Variants in EXOSC10 observed in about 807,000 individuals in gnomAD.
EXOSC10 encodes exosome component 10.
EXOSC10 carries 94 observed loss-of-function variants against 126.6 expected under a neutral mutation model. The observed-to-expected ratio is 0.74, with a 90% CI of 0.63 to 0.88. EXOSC10 has a LOEUF of 0.88. Ranked by LOEUF, EXOSC10 falls within the 40% of genes least tolerant of loss-of-function variation. EXOSC10 has a pLI of 0.00. For missense variants in EXOSC10, 1,041 were observed against 1,100.5 expected, an observed-to-expected ratio of 0.95 and a Z score of 0.77; for synonymous variants, 395 against 400.8, an observed-to-expected ratio of 0.99 and a Z score of 0.17.
At position 11,090,794 on chromosome 1, in the gene EXOSC10, C is replaced by T. The variant is rs191027394; in HGVS notation, c.644-126G>A. ...TGAGACAGGGTCATGTTCTGTCCCC[C>T]AGGCTGAAGTGTGGTGGCACAAGCA... On this transcript the variant is annotated intron_variant, in intron 5 of 24. Transcript: ENST00000376936. The T allele has an allele frequency of 4.3e-3, 3,544 of 832,644 alleles. 12 individuals are homozygous for T. Among genetic ancestry groups the T allele is most frequent in the Admixed American group, 9.7e-3 (340 of 34,874 alleles). The allele number at this position is 832,644 out of a possible 1,614,324, so 51.6% of individuals were successfully genotyped here.
At chr1:11,069,043 C>CTCAGAG (rs1639285041) in intron 22 of EXOSC10, 2 of 352,168 alleles carry the variant, frequency 5.7e-6, no homozygotes, top group Admixed American at 8.8e-5. Flanking sequence ...GGCGACACTC[C>CTCAGAG]TGTATAAAGG....
At chr1:11,073,378 C>T (rs906099174) in intron 19 of EXOSC10, among the ~76,000 whole-genome samples, 10 of 152,050 alleles carry the variant, frequency 6.6e-5, no homozygotes, top group African/African-American at 1.2e-4. Context: ...ATGATCCGCC[C>T]GCCTCGGCCT....
In EXOSC10 at chr1:11,072,269, G is replaced by A; in HGVS notation, c.2158-98C>T. Reference sequence around the variant, plus strand: ...GGTGACGAAGGGCAGGTTAACCTAAGAAGTACACACATTCTAAGTCATAAA... The same window carrying A: ...GGTGACGAAGGGCAGGTTAACCTAAAAAGTACACACATTCTAAGTCATAAA... On this transcript the variant is annotated intron_variant, in intron 19 of 24. Coordinates refer to ENST00000376936, the MANE Select transcript of EXOSC10 (RefSeq NM_001001998.3). The A allele has an allele frequency of 3.8e-6, 3 of 782,972 alleles. No individual in the cohort carries two copies. In the South Asian group the frequency reaches 4.8e-5, roughly 13 times the overall value. 48.5% of individuals were successfully genotyped at this position (782,972 alleles called of 1,614,324 possible).
intron 3 of EXOSC10, 49 bp from the exon 4 acceptor site, chr1:11,091,646 C>T (rs770544544): frequency 7.3e-7 from 1 of 1,365,986 alleles, no homozygotes; most frequent in Non-Finnish European, 1.0e-6. Context: ...TTGAGGTTAG[C>T]AGAGTTAACT....
intron 2 of EXOSC10, among the ~76,000 whole-genome samples, chr1:11,096,808 C>T (rs1218402175): frequency 6.6e-6 from 1 of 152,132 alleles, no homozygotes; most frequent in Non-Finnish European, 1.5e-5. Flanking sequence ...ACCAATAAAA[C>T]TTGCACCCTA....
intron 2 of EXOSC10, among the ~76,000 whole-genome samples, chr1:11,097,728 A>C (rs1641194508): frequency 6.6e-6 from 1 of 152,138 alleles, no homozygotes; most frequent in Non-Finnish European, 1.5e-5. Flanking sequence ...TCCGTCTCAA[A>C]AAAAAAAAAG....
intron 3 of EXOSC10, 153 bp downstream of exon 3, chr1:11,095,605 T>C: frequency 1.7e-6 from 1 of 597,190 alleles, no homozygotes; most frequent in South Asian, 2.0e-5. Flanking sequence ...TCCCAGCTAC[T>C]TGGGAGGCTG....
In EXOSC10 at chr1:11,087,863, C is replaced by A. The variant is rs1360524712; in HGVS notation, c.882G>T (p.Leu294=). The change falls in exon 8 of 25, where the codon CTG becomes CTT. Residue 294 remains leucine, a synonymous_variant. Transcript: ENST00000376936. ...TTTCGTTGAGTTCCACGAGTTCATC[C>A]AGGGAGGATATGAAATGGCATGGTG... The part of the protein sequence containing the change: ...EETPCHFISS[L]DELVELNEKL... 1 of 1,613,868 alleles carries A rather than the reference C, an allele frequency of 6.2e-7. No homozygotes were observed. The highest frequency in any genetic ancestry group is 8.5e-7 in the Non-Finnish European group (1 of 1,179,888).
chr1:11,094,827 C>T (rs1241313701), intron 3 of EXOSC10, among the ~76,000 whole-genome samples: 1 of 152,008 alleles, frequency 6.6e-6, no homozygotes, highest in Non-Finnish European at 1.5e-5. Context: ...TCTTGAACTC[C>T]TGACCTCAGG....
chr1:11,095,477 G>T, intron 3 of EXOSC10: 1 of 255,142 alleles, frequency 3.9e-6, no homozygotes. Flanking sequence ...ATTCTGGGAG[G>T]CTGAGGCGGG....
At chr1:11,075,875 A>T (rs1372522512) in intron 17 of EXOSC10, among the ~76,000 whole-genome samples, 2 of 149,250 alleles carry the variant, frequency 1.3e-5, no homozygotes, top group Non-Finnish European at 3.0e-5. Flanking sequence ...AAAAAAAAAA[A>T]AAAAAAAATG....
intron 2 of EXOSC10, 95 bp from the exon 3 acceptor site, chr1:11,095,976 T>C (rs1417864048): frequency 8.9e-6 from 12 of 1,342,472 alleles, no homozygotes; most frequent in South Asian, 1.4e-5. Flanking sequence ...GCTCAGACTG[T>C]TCCCAACACA....
intron 3 of EXOSC10, among the ~76,000 whole-genome samples, chr1:11,092,692 AT>A (rs931151578): frequency 6.6e-6 from 1 of 151,048 alleles, no homozygotes; most frequent in African/African-American, 2.4e-5. Context: ...TAATTTTTGT[AT>A]TTTTTAGTAG....
At position 11,074,815 on chromosome 1, in the gene EXOSC10, A is replaced by G. The variant is rs184369268; in HGVS notation, c.1987-489T>C. ...TGCAACAGCACACAGTAGCATTTCA[A>G]TATCAATGTGCTGGATCAGTGAATT... On this transcript the variant is annotated intron_variant, in intron 17 of 24. Coordinates refer to ENST00000376936, the MANE Select transcript of EXOSC10 (RefSeq NM_001001998.3). Among the ~76,000 whole-genome samples, 5 of 152,268 alleles carry G rather than the reference A, an allele frequency of 3.3e-5. No homozygotes were observed. In the East Asian group the frequency reaches 9.7e-4, roughly 29 times the overall value.
intron 15 of EXOSC10, 49 bp from the exon 16 acceptor site, chr1:11,077,492 C>T (rs1351852397): frequency 1.2e-6 from 2 of 1,602,092 alleles, no homozygotes; most frequent in South Asian, 2.2e-5. Context: ...TGCAAGCCGG[C>T]AGTAGCTTTC....
At chr1:11,095,631 G>A (rs2100237117) in intron 3 of EXOSC10, 127 bp downstream of exon 3, 1 of 813,160 alleles carries the variant, frequency 1.2e-6, no homozygotes. Context: ...GGAGAGTGTT[G>A]TGAACCCGGG....
chr1:11,088,198 C>A lies in EXOSC10; in HGVS notation c.759G>T (p.Met253Ile), dbSNP rs1640606994. 9 of 1,603,502 alleles carry A rather than the reference C, an allele frequency of 5.6e-6. No homozygotes were observed. The highest frequency in any genetic ancestry group is 6.0e-6 in the Non-Finnish European group (7 of 1,175,684). ...GTTCATATTGATAAGGATGTGCAAA[C>A]CTGAGTAAATAAAACAAAAAGAGAA... ...QQRTQQVEQDMFAHPYQYELN... is the reference protein window; with the variant it reads ...QQRTQQVEQDIFAHPYQYELN... The change falls in exon 7 of 25, where the codon ATG becomes ATT. Residue 253 changes from methionine to isoleucine, a missense_variant and splice_region_variant. By Grantham distance (10) the Met-to-Ile change is conservative. This residue lies in a region of EXOSC10 where 645 missense variants were observed against 656.3 expected (regional missense o/e 0.98). Transcript: ENST00000376936.
rs896870029 is a variant in EXOSC10 at position 11,070,761 on chromosome 1, G to T, written c.2316+139C>A. ...TTCGGAAATGAGGTAGACACTAATA[G>T]CCAAGCTAAGGTGAACCGGAAAGAA... On this transcript the variant is annotated intron_variant, in intron 21 of 24. Coordinates refer to ENST00000376936, the MANE Select transcript of EXOSC10 (RefSeq NM_001001998.3). The T allele has an allele frequency of 9.8e-6, 7 of 715,710 alleles. No homozygotes were observed. In the African/African-American group the frequency reaches 1.2e-4, roughly 13 times the overall value. The allele number at this position is 715,710 out of a possible 1,614,324, so 44.3% of individuals were successfully genotyped here.
intron 19 of EXOSC10, among the ~76,000 whole-genome samples, chr1:11,073,502 T>A (rs1639630784): frequency 6.6e-6 from 1 of 152,156 alleles, no homozygotes. Context: ...AATAAAGGGC[T>A]TTTGCATTCA....
Sources: allele counts gnomAD v4.1 joint callset (sites outside exome capture counted in the v4.1 genomes callset), GRCh38; gene constraint gnomAD v4.1.1; regional missense constraint gnomAD v4.1.1; transcripts MANE v1.5; gene names NCBI Gene and HGNC (gene_info 2026-07-23, HGNC 2026-07-21).